GABRB2: variants seen among roughly 807,000 people sequenced by gnomAD.
GABRB2 encodes gamma-aminobutyric acid receptor subunit beta-2.
A neutral mutation model predicts 54.7 loss-of-function variants in GABRB2; 16 were observed. The ratio of observed to expected loss-of-function variants is 0.29; its 90% confidence interval spans 0.20 to 0.44. GABRB2 has a LOEUF of 0.44. Ranked by LOEUF, GABRB2 falls within the 20% of genes least tolerant of loss-of-function variation. The pLI, the probability that GABRB2 is intolerant of heterozygous loss-of-function variation, is 1.00. For missense variants in GABRB2, 355 were observed against 644.0 expected (o/e 0.55, Z 4.86); for synonymous variants, 244 against 233.8 (o/e 1.04, Z -0.40).
intron 5 of GABRB2, among the ~76,000 whole-genome samples, chr5:161,402,803 A>G (rs1180643147): frequency 6.6e-6 from 1 of 152,104 alleles, no homozygotes; most frequent in African/African-American, 2.4e-5. Context: ...GGGTTTTAAT[A>G]AGCCCTCCAG....
chr5:161,514,698 G>T (rs1219149186), intron 3 of GABRB2, among the ~76,000 whole-genome samples: 1 of 151,986 alleles, frequency 6.6e-6, no homozygotes, highest in East Asian at 1.9e-4. Flanking sequence ...ACGTACAGTG[G>T]CTCCATAATC....
At chr5:161,355,164 G>C (rs1251277539) in intron 5 of GABRB2, among the ~76,000 whole-genome samples, 2 of 151,508 alleles carry the variant, frequency 1.3e-5, no homozygotes, top group Non-Finnish European at 2.9e-5. Flanking sequence ...TTTCTTTATA[G>C]TTGATCATTC....
Position 161,291,784 on chromosome 5 carries a change from A to G in GABRB2, c.*2297T>C, listed in dbSNP as rs1477204304. 9.2e-5 allele frequency: 14 copies of G among 152,510 alleles called. No homozygotes were observed. The highest frequency in any genetic ancestry group is 2.1e-4 in the Non-Finnish European group (14 of 68,000). 9.4% of individuals were successfully genotyped at this position (152,510 alleles called of 1,614,324 possible). ...ATTGCACATAAGAGCCCACTTCTACACTTGGGCTCTGAGTTGACTCTAGAA... is the reference window on the plus strand; with the variant it reads ...ATTGCACATAAGAGCCCACTTCTACGCTTGGGCTCTGAGTTGACTCTAGAA... On this transcript the variant is annotated 3_prime_UTR_variant, in exon 10 of 10. Coordinates refer to ENST00000393959, the MANE Select transcript of GABRB2 (RefSeq NM_001371727.1).
At chr5:161,337,586 A>G (rs139491219) in intron 5 of GABRB2, among the ~76,000 whole-genome samples, 4 of 152,252 alleles carry the variant, frequency 2.6e-5, no homozygotes, top group African/African-American at 4.8e-5. Context: ...TATAACAAAG[A>G]CATATTCTCT....
chr5:161,409,028 C>A (rs889821128), intron 5 of GABRB2, among the ~76,000 whole-genome samples: 3 of 152,086 alleles, frequency 2.0e-5, no homozygotes, highest in Non-Finnish European at 4.4e-5. Flanking sequence ...ATATCTAATT[C>A]TCTGTAGCAA....
At chr5:161,415,619 G>GT (rs962704737) in intron 4 of GABRB2, among the ~76,000 whole-genome samples, 1 of 152,048 alleles carries the variant, frequency 6.6e-6, no homozygotes, top group African/African-American at 2.4e-5. Flanking sequence ...GTTTGCTTTT[G>GT]TTTTTTGTTT....
At chr5:161,452,173 T>C (rs563580993) in intron 4 of GABRB2, among the ~76,000 whole-genome samples, 1 of 152,342 alleles carries the variant, frequency 6.6e-6, no homozygotes, top group South Asian at 2.1e-4. Flanking sequence ...TATGATATTT[T>C]TGATTTCTTA....
intron 5 of GABRB2, among the ~76,000 whole-genome samples, chr5:161,368,585 G>A (rs1020170078): frequency 2.0e-5 from 3 of 152,082 alleles, no homozygotes; most frequent in Admixed American, 2.0e-4. Flanking sequence ...ATAATCTCCC[G>A]GAGTTGAGTA....
chr5:161,317,870 C>A (rs540089347), intron 9 of GABRB2, among the ~76,000 whole-genome samples: 1 of 151,952 alleles, frequency 6.6e-6, no homozygotes, highest in South Asian at 2.1e-4. Context: ...TGAAAAAATG[C>A]TTAATATTTT....
At chr5:161,324,632 C>T (rs1212924847) in intron 9 of GABRB2, among the ~76,000 whole-genome samples, 2 of 152,150 alleles carry the variant, frequency 1.3e-5, no homozygotes, top group African/African-American at 4.8e-5. Context: ...CTAATCTTCC[C>T]AGTACCTTTT....
intron 4 of GABRB2, among the ~76,000 whole-genome samples, chr5:161,445,816 T>A (rs575309692): frequency 6.6e-6 from 1 of 152,286 alleles, no homozygotes; most frequent in East Asian, 1.9e-4. Context: ...TATTAATTGA[T>A]GCCTTGTATC....
intron 7 of GABRB2, among the ~76,000 whole-genome samples, chr5:161,331,363 T>A (rs1476639260): frequency 1.3e-5 from 2 of 152,186 alleles, no homozygotes. Flanking sequence ...TATTTATAGT[T>A]ATATATCTAG....
intron 4 of GABRB2, among the ~76,000 whole-genome samples, chr5:161,423,638 C>G (rs1010243971): frequency 6.6e-6 from 1 of 152,126 alleles, no homozygotes; most frequent in Admixed American, 6.6e-5. Context: ...CTATCTCTCT[C>G]TCTCTCCTCA....
upstream of GABRB2, chr5:161,547,844 A>T (rs1049610526): frequency 6.6e-6 from 1 of 150,780 alleles, no homozygotes; most frequent in Non-Finnish European, 1.5e-5. Flanking sequence ...ACCCGCGCGC[A>T]CACACGTGCA....
intron 9 of GABRB2, among the ~76,000 whole-genome samples, chr5:161,318,113 G>A (rs1758098362): frequency 1.3e-5 from 2 of 151,784 alleles, no homozygotes; most frequent in Non-Finnish European, 2.9e-5. Context: ...GTAAATGAAA[G>A]TAACCATGTG....
At chr5:161,413,161 A>T (rs1232205275) in intron 4 of GABRB2, among the ~76,000 whole-genome samples, 1 of 152,208 alleles carries the variant, frequency 6.6e-6, no homozygotes, top group African/African-American at 2.4e-5. Context: ...CTCAATAAGT[A>T]TATGATGGAT....
intron 5 of GABRB2, among the ~76,000 whole-genome samples, chr5:161,368,045 G>A (rs1490942233): frequency 6.6e-6 from 1 of 151,356 alleles, no homozygotes; most frequent in Non-Finnish European, 1.5e-5. Flanking sequence ...GTTGGTCTAT[G>A]TGACCCCCAA....
intron 4 of GABRB2, among the ~76,000 whole-genome samples, chr5:161,431,226 A>C (rs964159004): frequency 1.3e-5 from 2 of 152,126 alleles, no homozygotes; most frequent in Non-Finnish European, 2.9e-5. Context: ...ACAAGAGGAT[A>C]TATATGAAGT....
intron 3 of GABRB2, among the ~76,000 whole-genome samples, chr5:161,461,175 T>G (rs1462021677): frequency 6.6e-6 from 1 of 152,152 alleles, no homozygotes; most frequent in Admixed American, 6.5e-5. Flanking sequence ...TAAATGAGAA[T>G]CCTAATCAGT....
Sources: gnomAD v4.1 joint callset for allele counts (sites outside exome capture counted in the v4.1 genomes callset) on GRCh38, gnomAD v4.1.1 for gene constraint, MANE v1.5 for transcripts, NCBI Gene and HGNC (gene_info 2026-07-23, HGNC 2026-07-21) for gene names.